Variants in TULP2 observed in about 807,000 individuals in gnomAD.
The protein encoded by TULP2 is tubby-related protein 2.
In TULP2, 64 loss-of-function variants were observed where a neutral mutation model predicts 60.3. The ratio of observed to expected loss-of-function variants is 1.06; its 90% confidence interval spans 0.87 to 1.31. The LOEUF is 1.31. Among genes scored for constraint, TULP2 ranks in the 50% most tolerant of loss-of-function variants. The pLI, the probability that TULP2 is intolerant of heterozygous loss-of-function variation, is 0.00. For synonymous variants in TULP2, 267 were observed against 265.4 expected (o/e 1.01, Z -0.06); for missense variants, 652 against 667.0 (o/e 0.98, Z 0.25).
At chr19:48,889,777 G>A (rs936079418) in intron 6 of TULP2, 146 bp from the exon 7 acceptor site, 14 of 617,300 alleles carry the variant, frequency 2.3e-5, no homozygotes, top group Middle Eastern at 1.1e-3. Context: ...CCCCAACCCC[G>A]TGCTCTCTGA....
intron 6 of TULP2, among the ~76,000 whole-genome samples, chr19:48,893,199 C>G (rs2037248887): frequency 6.6e-6 from 1 of 151,984 alleles, no homozygotes; most frequent in South Asian, 2.1e-4. Context: ...GAAACCCTGT[C>G]TCTACTAAAA....
intron 7 of TULP2, 119 bp from the exon 8 acceptor site, chr19:48,888,380 G>A: frequency 9.4e-7 from 1 of 1,065,212 alleles, no homozygotes; most frequent in Non-Finnish European, 1.3e-6. Flanking sequence ...TCTGCTTATT[G>A]GTCAAAAATC....
chr19:48,897,339 C>T lies in TULP2; in HGVS notation c.84+6G>A. On this transcript the variant is annotated splice_donor_region_variant and intron_variant, in intron 3 of 12. Transcript: ENST00000221399. This position sits in a 1 kb window ranked among gnomAD's most constrained non-coding sequence, Gnocchi z 4.0. ...GTTGGAGTGGTGAGATTCCTGGGCA[C>T]AATACCTGCTGTTCCAGCTTCTGCA... 2.5e-6 allele frequency: 4 copies of T among 1,613,548 alleles called. No homozygotes were observed. Among genetic ancestry groups the T allele is most frequent in the Non-Finnish European group, 3.4e-6 (4 of 1,179,734 alleles).
At chr19:48,886,278 G>A (rs1177837532) in intron 8 of TULP2, among the ~76,000 whole-genome samples, 4 of 147,662 alleles carry the variant, frequency 2.7e-5, no homozygotes, top group South Asian at 2.1e-4. Flanking sequence ...TGCACTGGGC[G>A]ACAGAGCAAG....
intron 12 of TULP2, among the ~76,000 whole-genome samples, chr19:48,881,677 C>T (rs980977246): frequency 6.6e-6 from 1 of 151,858 alleles, no homozygotes; most frequent in African/African-American, 2.4e-5. Context: ...CCACAGTGCC[C>T]GGCCTAATTT....
rs1290587541 is a variant in TULP2, at chr19:48,883,793, G to A, written c.1236C>T (p.Thr412=). The A allele has an allele frequency of 1.2e-6, 2 of 1,614,054 alleles. No homozygotes were observed. The highest frequency in any genetic ancestry group is 1.7e-5 in the Admixed American group (1 of 60,006). The change falls in exon 11 of 13, where the codon ACC becomes ACT. Residue 412 remains threonine (T), a synonymous_variant. Coordinates refer to ENST00000221399, the MANE Select transcript of TULP2 (RefSeq NM_003323.3). The part of the protein sequence containing the change: ...PRKMTVILPG[T]NSQNQRINVQ... ...CATTGATTCGCTGGTTCTGGCTGTT[G>A]GTTCCTGGGAGAATCACAGTCATTT...
At chr19:48,892,093 G>A (rs2037238167) in intron 6 of TULP2, among the ~76,000 whole-genome samples, 1 of 152,204 alleles carries the variant, frequency 6.6e-6, no homozygotes, top group South Asian at 2.1e-4. Flanking sequence ...GAGACGTGCA[G>A]GAGACAGATG....
In TULP2 at chr19:48,897,588, G is replaced by A. The variant is rs1227206880; in HGVS notation, c.33-192C>T. 1.3e-5 allele frequency: 9 copies of A among 702,344 alleles called. No individual in the cohort carries two copies. Among genetic ancestry groups the A allele is most frequent in the South Asian group, 3.6e-5 (2 of 54,980 alleles). 43.5% of individuals were successfully genotyped at this position (702,344 alleles called of 1,614,324 possible). ...TCCTGGCACTGGCCCACAGAAGCCGGGACCCAGAGATCCCAGGTCCCTCCT... is the reference window on the plus strand; with the variant it reads ...TCCTGGCACTGGCCCACAGAAGCCGAGACCCAGAGATCCCAGGTCCCTCCT... On this transcript the variant is annotated intron_variant, in intron 2 of 12. Transcript: ENST00000221399. This position sits in a 1 kb window ranked among gnomAD's most constrained non-coding sequence, Gnocchi z 4.0.
At position 48,897,206 on chromosome 19, in the gene TULP2, T is replaced by C. The variant is rs941527417; in HGVS notation, c.84+139A>G. The C allele has an allele frequency of 1.0e-6, 1 of 968,826 alleles. No homozygotes were observed. Among genetic ancestry groups the C allele is most frequent in the African/African-American group, 1.6e-5 (1 of 61,218 alleles). The allele number at this position is 968,826 out of a possible 1,614,324, so 60.0% of individuals were successfully genotyped here. ...TGCCCGGCCCCAAATTCCTATTTTC[T>C]CATTTCTCAGTGGGAAAACTCAAGG... On this transcript the variant is annotated intron_variant, in intron 3 of 12. Coordinates refer to ENST00000221399, the MANE Select transcript of TULP2 (RefSeq NM_003323.3). This position sits in a 1 kb window ranked among gnomAD's most constrained non-coding sequence, Gnocchi z 4.0.
At chr19:48,882,264 G>C in intron 11 of TULP2, 61 bp from the exon 12 acceptor site, 1 of 1,591,350 alleles carries the variant, frequency 6.3e-7, no homozygotes, top group Non-Finnish European at 8.6e-7. Context: ...ATCTTGAACA[G>C]GGGCGACTCC....
At chr19:48,891,182 G>T (rs1382882530) in intron 6 of TULP2, among the ~76,000 whole-genome samples, 2 of 151,154 alleles carry the variant, frequency 1.3e-5, no homozygotes, top group Non-Finnish European at 2.9e-5. Context: ...AAATTAGCCG[G>T]GTGTGGTGGC....
In TULP2 at chr19:48,895,427, G is replaced by T; in HGVS notation, c.288C>A (p.Thr96=). Residue 96 remains threonine (T), a synonymous_variant, in exon 5 of 13, where the codon ACC becomes ACA. Coordinates refer to ENST00000221399, the MANE Select transcript of TULP2 (RefSeq NM_003323.3). The stretch of plus-strand genomic sequence containing the variant: ...CCCTGCCGTCTCCACCACAGCTCAC[G>T]GTGCCCAGGGCACTGTGGATGCCAG... ...LPSGIHSALG[T]VSCGGDGRGE... is the part of the protein sequence containing the mutation. 1 of 1,613,936 alleles carries T rather than the reference G, an allele frequency of 6.2e-7. No individual in the cohort carries two copies. Among genetic ancestry groups the T allele is most frequent in the Non-Finnish European group, 8.5e-7 (1 of 1,179,946 alleles).
chr19:48,894,156 C>T lies in TULP2; in HGVS notation c.514+842G>A, dbSNP rs77564117. On this transcript the variant is annotated intron_variant, in intron 6 of 12. Coordinates refer to ENST00000221399, the MANE Select transcript of TULP2 (RefSeq NM_003323.3). ...CAAGTGACTCTCTTGCCTTGGCCTC[C>T]GGAGTATCTGGGATTACAAGCCTGC... is the stretch of plus-strand genomic sequence containing the variant. Among the ~76,000 whole-genome samples the T allele has an allele frequency of 2.2e-3, 329 of 151,898 alleles. 8 individuals carry two copies. In the East Asian group the frequency reaches 0.056, roughly 26 times the overall value.
At chr19:48,888,436 C>T (rs2037203699) in intron 7 of TULP2, among the ~76,000 whole-genome samples, 175 bp from the exon 8 acceptor site, 2 of 152,172 alleles carry the variant, frequency 1.3e-5, no homozygotes, top group Non-Finnish European at 2.9e-5. Flanking sequence ...ACTGGCCAGT[C>T]TATTCGCTTT....
At chr19:48,894,544 G>T (rs2037261220) in intron 6 of TULP2, among the ~76,000 whole-genome samples, 1 of 152,070 alleles carries the variant, frequency 6.6e-6, no homozygotes, top group Non-Finnish European at 1.5e-5. Context: ...GGGAGGCTGA[G>T]GCAGGAGAAT....
intron 6 of TULP2, among the ~76,000 whole-genome samples, chr19:48,890,434 TACTAAGGGA>T (rs1436555669): frequency 2.0e-5 from 3 of 152,210 alleles, no homozygotes; most frequent in Non-Finnish European, 2.9e-5. Flanking sequence ...GATCAATAAA[TACTAAGGGA>T]ACTCAGAGGC....
chr19:48,897,977 TTATG>T lies in TULP2; in HGVS notation c.-1-112_-1-109del, dbSNP rs369912816. 122 of 867,262 alleles carry T rather than the reference TTATG, an allele frequency of 1.4e-4. 1 individual carries two copies. The highest frequency in any genetic ancestry group is 3.0e-4 in the South Asian group (9 of 29,874). The allele number at this position is 867,262 out of a possible 1,614,324, so 53.7% of individuals were successfully genotyped here. On this transcript the variant is annotated intron_variant, in intron 1 of 12. Transcript: ENST00000221399. This position sits in a 1 kb window ranked among gnomAD's most constrained non-coding sequence, Gnocchi z 4.0. ...TTTATTTATTTATTTATTTATTTAT[TTATG>T]TATTTAGAGACAGCTGAGCCTCGCT...
rs1275816099 is a variant in TULP2, at chr19:48,895,079, C to T, written c.433G>A (p.Glu145Lys). 3 of 1,614,128 alleles carry T rather than the reference C, an allele frequency of 1.9e-6. No individual in the cohort carries two copies. Among genetic ancestry groups the T allele is most frequent in the Non-Finnish European group, 2.5e-6 (3 of 1,180,034 alleles). The change falls in exon 6 of 13, where the codon GAG (glutamate) becomes AAG (lysine). Residue 145 changes from glutamate to lysine, a missense_variant. Coordinates refer to ENST00000221399, the MANE Select transcript of TULP2 (RefSeq NM_003323.3). The stretch of plus-strand genomic sequence containing the variant: ...GGTGGGGGAGAGACGGAACCATTCT[C>T]CACGGAGACTTCCTCCAATTCTGCA... The part of the protein sequence containing the change: ...SDAELEEVSV[E>K]NGSVSPPPFK...
At position 48,882,156 on chromosome 19, in the gene TULP2, C is replaced by T; in HGVS notation, c.1323G>A (p.Gly441=). Residue 441 remains glycine (G), a synonymous_variant, in exon 12 of 13, where the codon GGG becomes GGA. Transcript: ENST00000221399. ...GGGTTTTGTTGTGCAACAAAAGCAA[C>T]CCTTGTTTGTCCCCACGTTGGTAAC... is the stretch of plus-strand genomic sequence containing the variant. The part of the protein sequence containing the change: ...LSRYQRGDKQ[G]LLLLHNKTPS... 6.2e-7 allele frequency: 1 copy of T among 1,614,196 alleles called. No individual in the cohort carries two copies. Among genetic ancestry groups the T allele is most frequent in the East Asian group, 2.2e-5 (1 of 44,888 alleles).
Sources: allele counts gnomAD v4.1 joint callset (sites outside exome capture counted in the v4.1 genomes callset), GRCh38; gene constraint gnomAD v4.1.1; non-coding constraint Gnocchi (gnomAD v3.1); transcripts MANE v1.5; gene names NCBI Gene and HGNC (gene_info 2026-07-23, HGNC 2026-07-21).